The following RIMBP2 variants were observed in gnomAD, a reference collection of about 807,000 sequenced individuals.
The protein encoded by RIMBP2 is RIMS-binding protein 2.
Under a neutral mutation model 118.6 loss-of-function variants are expected in RIMBP2, and 48 were observed. That is an observed-to-expected ratio of 0.40 (90% confidence interval 0.32 to 0.51). The LOEUF (loss-of-function observed/expected upper bound fraction) is 0.51, where lower values mean the gene tolerates loss of function less well. Ranked by LOEUF, RIMBP2 falls within the 20% of genes least tolerant of loss-of-function variation. The pLI is 0.41. For synonymous variants in RIMBP2, 762 were observed against 742.9 expected, an observed-to-expected ratio of 1.03 and a Z score of -0.42; for missense variants, 1,551 against 1,768.3, an observed-to-expected ratio of 0.88 and a Z score of 2.20.
At chr12:130,522,660 G>A (rs1405721771) in intron 2 of RIMBP2, among the ~76,000 whole-genome samples, 1 of 152,214 alleles carries the variant, frequency 6.6e-6, no homozygotes, top group Non-Finnish European at 1.5e-5. Flanking sequence ...CAGGTGGGGT[G>A]AGGGGAGGTG....
intron 1 of RIMBP2, among the ~76,000 whole-genome samples, chr12:130,632,287 C>G (rs1485774672): frequency 2.0e-5 from 3 of 152,226 alleles, no homozygotes; most frequent in African/African-American, 7.2e-5. Flanking sequence ...CAACACACAT[C>G]CTATTCTGCT....
chr12:130,404,390 T>A (rs1456622806), intron 21 of RIMBP2, among the ~76,000 whole-genome samples: 3 of 152,150 alleles, frequency 2.0e-5, no homozygotes, highest in Admixed American at 2.0e-4. Context: ...CTCCACCTCC[T>A]GGGTTCAAGT....
In RIMBP2 at chr12:130,564,365, C is replaced by A. The variant is rs117979231; in HGVS notation, c.-216-46448G>T. On this transcript the variant is annotated intron_variant, in intron 2 of 22. Coordinates refer to ENST00000690449, the MANE Select transcript of RIMBP2 (RefSeq NM_001393629.1). ...CCAAAGCATTTCTCATTTAGATGCGCCAAATCTTTTACTTTTTTCTAACAT... is the reference window on the plus strand; with the variant it reads ...CCAAAGCATTTCTCATTTAGATGCGACAAATCTTTTACTTTTTTCTAACAT... Among the ~76,000 whole-genome samples the A allele has an allele frequency of 7.0e-3, 1,066 of 152,256 alleles. 7 individuals carry two copies. The highest frequency in any genetic ancestry group is 0.013 in the Non-Finnish European group (874 of 68,022).
intron 1 of RIMBP2, among the ~76,000 whole-genome samples, chr12:130,649,115 CGGAGGTGGGTAT>C (rs948652898): frequency 2.7e-5 from 4 of 145,544 alleles, no homozygotes; most frequent in African/African-American, 7.4e-5. Context: ...TAGGCTCAGT[CGGAGGTGGGTAT>C]GGAGGTGGGT....
chr12:130,542,576 A>G (rs959579677), intron 2 of RIMBP2, among the ~76,000 whole-genome samples: 1 of 152,218 alleles, frequency 6.6e-6, no homozygotes, highest in Non-Finnish European at 1.5e-5. Flanking sequence ...GTTTTGAAGA[A>G]CTATTAAAGG....
chr12:130,572,532 G>T (rs1479437215), intron 2 of RIMBP2, among the ~76,000 whole-genome samples: 1 of 152,080 alleles, frequency 6.6e-6, no homozygotes, highest in African/African-American at 2.4e-5. Context: ...CCTGTGTGCA[G>T]GTTTTACTGG....
chr12:130,537,613 G>A (rs946485394), intron 2 of RIMBP2, among the ~76,000 whole-genome samples: 22 of 152,308 alleles, frequency 1.4e-4, no homozygotes, highest in African/African-American at 5.3e-4. Context: ...CGAAAGATCC[G>A]GGTGCATATT....
chr12:130,533,663 G>A (rs1164762332), intron 2 of RIMBP2, among the ~76,000 whole-genome samples: 3 of 152,116 alleles, frequency 2.0e-5, no homozygotes, highest in Non-Finnish European at 4.4e-5. Flanking sequence ...CAACCTAAAT[G>A]TCCATCAGTG....
chr12:130,474,793 C>G (rs1481216158), intron 5 of RIMBP2, among the ~76,000 whole-genome samples: 2 of 152,206 alleles, frequency 1.3e-5, no homozygotes, highest in Non-Finnish European at 2.9e-5. Context: ...CGACTGCACT[C>G]CGGGTCCCAG....
At chr12:130,497,886 C>T (rs902778384) in intron 4 of RIMBP2, among the ~76,000 whole-genome samples, 3 of 152,112 alleles carry the variant, frequency 2.0e-5, no homozygotes, top group Non-Finnish European at 2.9e-5. Context: ...ACAAGGAGTG[C>T]GCGGTGGGGA....
At position 130,548,888 on chromosome 12, in the gene RIMBP2, A is replaced by G. The variant is rs546932002; in HGVS notation, c.-216-30971T>C. Reference sequence around the variant, plus strand: ...AGGCATGAGCCGCCGTGCCCAGCCTACCTCTTGGACTTTGTTTTAATCGGG... The same window carrying G: ...AGGCATGAGCCGCCGTGCCCAGCCTGCCTCTTGGACTTTGTTTTAATCGGG... On this transcript the variant is annotated intron_variant, in intron 2 of 22. Coordinates refer to ENST00000690449, the MANE Select transcript of RIMBP2 (RefSeq NM_001393629.1). 5.6e-4 allele frequency among the ~76,000 whole-genome samples: 85 copies of G among 151,760 alleles called. 1 individual carries two copies. Among genetic ancestry groups the G allele is most frequent in the Middle Eastern group, 3.4e-3 (1 of 292 alleles).
At chr12:130,699,122 T>C (rs35936544) in intron 1 of RIMBP2, among the ~76,000 whole-genome samples, 37,880 of 152,082 alleles carry the variant, frequency 0.25, 5,112 homozygotes, top group South Asian at 0.38. Context: ...ACTTTTACAC[T>C]GTTGGTGGGA....
chr12:130,664,398 C>A (rs1319891065), intron 1 of RIMBP2, among the ~76,000 whole-genome samples: 1 of 97,734 alleles, frequency 1.0e-5, no homozygotes, highest in Admixed American at 9.9e-5. Context: ...TGCACACACA[C>A]GCACGCACGC....
chr12:130,525,613 GGC>G lies in RIMBP2; in HGVS notation c.-216-7698_-216-7697del. On this transcript the variant is annotated intron_variant, in intron 2 of 22. Transcript: ENST00000690449. The surrounding 1 kb of genome is among the most constrained non-coding windows in gnomAD (Gnocchi z 4.4). Reference sequence around the variant, plus strand: ...GGCTGAGGGTGGTAACGTTCATGGGGGCATTGGCAGGTGCAGATGGACACATG... The same window carrying G: ...GGCTGAGGGTGGTAACGTTCATGGGGATTGGCAGGTGCAGATGGACACATG... Among the ~76,000 whole-genome samples, 1 of 152,152 alleles carries G rather than the reference GGC, an allele frequency of 6.6e-6. No homozygotes were observed. Among genetic ancestry groups the G allele is most frequent in the Non-Finnish European group, 1.5e-5 (1 of 68,022 alleles).
At position 130,648,936 on chromosome 12, in the gene RIMBP2, G is replaced by A. The variant is rs987594897; in HGVS notation, c.-351-20480C>T. ...CTCCCAAAGTGCTGGGATTCCAGGC[G>A]TGAGCCGCCGAGAAACGGATCGCAC... is the stretch of plus-strand genomic sequence containing the variant. On this transcript the variant is annotated intron_variant, in intron 1 of 22. Transcript: ENST00000690449. 5.5e-5 allele frequency among the ~76,000 whole-genome samples: 8 copies of A among 145,970 alleles called. 3 individuals are homozygous for A. Among genetic ancestry groups the A allele is most frequent in the Non-Finnish European group, 1.2e-4 (8 of 64,434 alleles).
At chr12:130,548,803 A>ACCCCATGGTCCCATGGGGT (rs1305992116) in intron 2 of RIMBP2, among the ~76,000 whole-genome samples, 6 of 149,142 alleles carry the variant, frequency 4.0e-5, no homozygotes, top group Admixed American at 1.3e-4. Context: ...CAAATTCCTG[A>ACCCCATGGTCCCATGGGGT]CCCCATGGTC....
intron 7 of RIMBP2, among the ~76,000 whole-genome samples, chr12:130,454,235 T>A (rs761261250): frequency 9.9e-5 from 15 of 152,230 alleles, no homozygotes; most frequent in Non-Finnish European, 1.3e-4. Flanking sequence ...TTACATCGGA[T>A]CAAGTTGTAT....
At chr12:130,609,624 G>A (rs772899119) in intron 2 of RIMBP2, among the ~76,000 whole-genome samples, 1 of 131,344 alleles carries the variant, frequency 7.6e-6, no homozygotes, top group Admixed American at 7.2e-5. Context: ...GAGTTTCCTC[G>A]TGTGATTACA....
At position 130,479,066 on chromosome 12, in the gene RIMBP2, G is replaced by C. The variant is rs1048235904; in HGVS notation, c.-3-50C>G. 4 of 1,485,980 alleles carry C rather than the reference G, an allele frequency of 2.7e-6. No homozygotes were observed. The African/African-American group carries it at 5.5e-5, about 21-fold the overall frequency. The allele number at this position is 1,485,980 out of a possible 1,614,324, so 92.0% of individuals were successfully genotyped here. On this transcript the variant is annotated intron_variant, in intron 4 of 22. Coordinates refer to ENST00000690449, the MANE Select transcript of RIMBP2 (RefSeq NM_001393629.1). ...CTGAGCAGGGCAGCCTGTGCCCATG[G>C]GCGTGCATCCTATACCCTGCACCAA... is the stretch of plus-strand genomic sequence containing the variant.
Sources: gnomAD v4.1 joint callset for allele counts (sites outside exome capture counted in the v4.1 genomes callset) on GRCh38, gnomAD v4.1.1 for gene constraint, Gnocchi (gnomAD v3.1) non-coding constraint, MANE v1.5 for transcripts, NCBI Gene and HGNC (gene_info 2026-07-23, HGNC 2026-07-21) for gene names.